Variants in COXFA4 observed in about 807,000 individuals in gnomAD.
COXFA4 encodes cytochrome c oxidase associated subunit FA4.
At chr7:10,936,270 A>G in the COXFA4 span, among the ~76,000 whole-genome samples, 10 of 152,218 alleles carry the variant, frequency 6.6e-5, no homozygotes, top group African/African-American at 2.4e-4. Flanking sequence ...ATAGCTATTA[A>G]CAGCTATGTT....
the COXFA4 span, chr7:10,939,551 C>A: frequency 1.7e-5 from 3 of 181,572 alleles, no homozygotes; most frequent in East Asian, 2.7e-4. Context: ...CAACGACGTC[C>A]AGACAAAGTG....
At chr7:10,937,872 C>T in the COXFA4 span, 1 of 566,102 alleles carries the variant, frequency 1.8e-6, no homozygotes, top group Non-Finnish European at 3.2e-6. Context: ...GATAGCTATA[C>T]TATTTTTCCT....
At chr7:10,938,094 T>C in the COXFA4 span, 2 of 1,612,774 alleles carry the variant, frequency 1.2e-6, no homozygotes, top group Non-Finnish European at 1.7e-6. Flanking sequence ...GTTTACCTTG[T>C]ATTGATCATT....
At chr7:10,935,752 TTTG>T in the COXFA4 span, among the ~76,000 whole-genome samples, 3 of 152,320 alleles carry the variant, frequency 2.0e-5, no homozygotes, top group South Asian at 6.2e-4. Context: ...GAGGAATAAA[TTTG>T]TTGTTTAAGC....
the COXFA4 span, chr7:10,937,893 T>C: frequency 5.1e-6 from 3 of 589,704 alleles, no homozygotes; most frequent in African/African-American, 1.9e-5. Flanking sequence ...TCTTTTCTTA[T>C]ACTAGCAATT....
the COXFA4 span, chr7:10,938,744 G>C: frequency 1.7e-6 from 2 of 1,158,198 alleles, no homozygotes; most frequent in Non-Finnish European, 2.6e-6. Context: ...TCGCCCTACA[G>C]AGACTGTGGC....
At chr7:10,939,964 C>T in the COXFA4 span, 4 of 1,607,266 alleles carry the variant, frequency 2.5e-6, no homozygotes, top group South Asian at 3.3e-5. Flanking sequence ...AGAGGCGCAC[C>T]CCGACGCAAG....
chr7:10,935,852 C>G, the COXFA4 span, among the ~76,000 whole-genome samples: 2 of 152,206 alleles, frequency 1.3e-5, no homozygotes, highest in African/African-American at 4.8e-5. Context: ...TCACTTTTCA[C>G]TCACATTATA....
At chr7:10,934,612 T>C in the COXFA4 span, among the ~76,000 whole-genome samples, 5,784 of 152,220 alleles carry the variant, frequency 0.038, 324 homozygotes, top group East Asian at 0.13. Context: ...TGATAAACAT[T>C]TTCTTCAGGG....
chr7:10,938,513 C>A, the COXFA4 span: 1 of 425,322 alleles, frequency 2.4e-6, no homozygotes. Flanking sequence ...TTTACATGTG[C>A]CGAGAACCAT....
chr7:10,936,380 T>C, the COXFA4 span, among the ~76,000 whole-genome samples: 3 of 152,238 alleles, frequency 2.0e-5, no homozygotes, highest in Non-Finnish European at 4.4e-5. Flanking sequence ...CGGAATCATC[T>C]GTTACACTTT....
chr7:10,938,858 A>C, the COXFA4 span: 1 of 1,613,816 alleles, frequency 6.2e-7, no homozygotes, highest in Non-Finnish European at 8.5e-7. Flanking sequence ...GTGTTGCTCC[A>C]GTAGCTCCAG....
the COXFA4 span, chr7:10,939,962 A>G: frequency 6.2e-7 from 1 of 1,601,848 alleles, no homozygotes; most frequent in East Asian, 2.2e-5. Context: ...AAAGAGGCGC[A>G]CCCCGACGCA....
the COXFA4 span, chr7:10,937,753 C>T: frequency 8.0e-6 from 2 of 251,478 alleles, no homozygotes; most frequent in African/African-American, 4.5e-5. Flanking sequence ...CCAGCTGAAT[C>T]AGAATCTCTG....
At chr7:10,940,088 A>G in the COXFA4 span, 14 of 1,612,096 alleles carry the variant, frequency 8.7e-6, no homozygotes, top group South Asian at 1.4e-4. Context: ...ACTGGAAAGG[A>G]GAGAACCGAC....
chr7:10,933,746 C>T, the COXFA4 span: 5 of 1,311,604 alleles, frequency 3.8e-6, no homozygotes, highest in Admixed American at 5.2e-5. Flanking sequence ...AGAGACGGTA[C>T]AAAGGTTTTA....
chr7:10,937,712 A>G, the COXFA4 span, among the ~76,000 whole-genome samples: 2 of 152,298 alleles, frequency 1.3e-5, no homozygotes, highest in African/African-American at 2.4e-5. Flanking sequence ...AGTTCCACAG[A>G]CTACTCTAAA....
the COXFA4 span, among the ~76,000 whole-genome samples, chr7:10,934,152 G>T: frequency 2.0e-5 from 3 of 151,988 alleles, no homozygotes; most frequent in African/African-American, 7.2e-5. Flanking sequence ...ACAAAAAGAG[G>T]CTAGTAATAT....
At chr7:10,936,335 G>C in the COXFA4 span, among the ~76,000 whole-genome samples, 4 of 152,136 alleles carry the variant, frequency 2.6e-5, no homozygotes, top group Non-Finnish European at 5.9e-5. Flanking sequence ...CATGTGTTGT[G>C]ATATTTCAGA....
Sources: allele counts gnomAD v4.1 joint callset (sites outside exome capture counted in the v4.1 genomes callset), GRCh38; gene constraint gnomAD v4.1.1; transcripts MANE v1.5; gene names NCBI Gene and HGNC (gene_info 2026-07-23, HGNC 2026-07-21).